MED23: variants seen among roughly 807,000 people sequenced by gnomAD.
MED23 encodes the protein mediator of RNA polymerase II transcription subunit 23.
A neutral mutation model predicts 163.9 loss-of-function variants in MED23; 105 were observed. The observed-to-expected ratio is 0.64, with a 90% CI of 0.55 to 0.75. The LOEUF (loss-of-function observed/expected upper bound fraction) is 0.75. MED23 is among the 30% of genes least tolerant of loss of function. MED23 has a pLI of 0.00. For missense variants in MED23, 1,054 were observed against 1,649.0 expected (o/e 0.64, Z 6.25); for synonymous variants, 561 against 565.6 (o/e 0.99, Z 0.12).
At chr6:131,616,510 A>T (rs1281251739) in intron 9 of MED23, among the ~76,000 whole-genome samples, 1 of 152,162 alleles carries the variant, frequency 6.6e-6, no homozygotes, top group Non-Finnish European at 1.5e-5. Context: ...TCTGATAGCC[A>T]AATTCAGTTT....
chr6:131,596,806 G>T, intron 20 of MED23, 118 bp from the exon 21 acceptor site: 1 of 981,572 alleles, frequency 1.0e-6, no homozygotes, highest in East Asian at 2.6e-5. Flanking sequence ...TTCCTTAGAC[G>T]TCTAGTCTAT....
intron 30 of MED23, among the ~76,000 whole-genome samples, chr6:131,580,826 GA>G (rs1773882488): frequency 6.6e-6 from 1 of 152,200 alleles, no homozygotes; most frequent in African/African-American, 2.4e-5. Context: ...TATTTACCAA[GA>G]GAGATGAGTG....
chr6:131,589,480 G>A lies in MED23; in HGVS notation c.3924C>T (p.Asp1308=). 6.2e-7 allele frequency: 1 copy of A among 1,613,522 alleles called. No individual in the cohort carries two copies. Among genetic ancestry groups the A allele is most frequent in the Non-Finnish European group, 8.5e-7 (1 of 1,179,632 alleles). ...TTCAACTTACTTGCTCTTTCACGCT[G>A]TCACCAGTAAACATATACTTCATGT... is the stretch of plus-strand genomic sequence containing the variant. The part of the protein sequence containing the change: ...LYHMKYMFTG[D]SVKEQVEKII... Residue 1308 remains aspartate, a synonymous_variant, in exon 28 of 29, where the codon GAC becomes GAT. Transcript: ENST00000368068.
intron 20 of MED23, among the ~76,000 whole-genome samples, chr6:131,597,738 C>T (rs957959687): frequency 3.9e-5 from 6 of 152,034 alleles, no homozygotes; most frequent in Middle Eastern, 6.8e-3. Context: ...ACTTCTGTAC[C>T]TTCTATACAT....
chr6:131,574,016 T>C, exon 31 of MED23: 1 of 495,296 alleles, frequency 2.0e-6, no homozygotes, highest in South Asian at 2.7e-5. Flanking sequence ...CCAGATTTCC[T>C]TACAGCCACG....
chr6:131,598,054 G>A lies in MED23; in HGVS notation c.2607+233C>T, dbSNP rs1462305582. Among the ~76,000 whole-genome samples, 5 of 152,048 alleles carry A rather than the reference G, an allele frequency of 3.3e-5. No individual in the cohort carries two copies. In the South Asian group the frequency reaches 1.0e-3, roughly 31 times the overall value. On this transcript the variant is annotated intron_variant, in intron 20 of 28. Transcript: ENST00000368068. This position sits in a 1 kb window ranked among gnomAD's most constrained non-coding sequence, Gnocchi z 4.7. ...TGAGGCTGCAGTGAGCCATGATCACGCCACTGCACTGGGCGACAGAGCGAG... is the reference window on the plus strand; with the variant it reads ...TGAGGCTGCAGTGAGCCATGATCACACCACTGCACTGGGCGACAGAGCGAG...
chr6:131,604,949 T>C (rs558483006), intron 14 of MED23, among the ~76,000 whole-genome samples: 1 of 152,300 alleles, frequency 6.6e-6, no homozygotes, highest in East Asian at 1.9e-4. Context: ...AAGCTCTAGC[T>C]ACACTAGTCC....
At chr6:131,581,431 C>A in intron 30 of MED23, 1 of 1,549,054 alleles carries the variant, frequency 6.5e-7, no homozygotes, top group Non-Finnish European at 8.8e-7. Context: ...AGTAGACATT[C>A]AGGAGGTGGA....
intron 6 of MED23, among the ~76,000 whole-genome samples, chr6:131,621,432 T>C (rs1777099035): frequency 6.6e-6 from 1 of 152,046 alleles, no homozygotes; most frequent in Admixed American, 6.6e-5. Flanking sequence ...GTTTCAACTG[T>C]AGCAAAGAAT....
At chr6:131,591,600 T>A (rs561825261) in intron 25 of MED23, 73 bp from the exon 26 acceptor site, 10 of 1,144,844 alleles carry the variant, frequency 8.7e-6, no homozygotes, top group East Asian at 2.4e-5. Flanking sequence ...AAAGTAATAG[T>A]GTTTTCTCAT....
chr6:131,609,377 C>T (rs1776092784), intron 11 of MED23, among the ~76,000 whole-genome samples: 2 of 151,982 alleles, frequency 1.3e-5, no homozygotes, highest in Admixed American at 1.3e-4. Context: ...CTATCCCTTT[C>T]TAAATGATGG....
At chr6:131,577,062 T>C (rs1056027423) in intron 30 of MED23, among the ~76,000 whole-genome samples, 1 of 152,130 alleles carries the variant, frequency 6.6e-6, no homozygotes, top group African/African-American at 2.4e-5. Context: ...GCAGGAAGTA[T>C]GCTACTAGCA....
At chr6:131,611,041 A>G (rs1173843252) in intron 10 of MED23, among the ~76,000 whole-genome samples, 1 of 152,196 alleles carries the variant, frequency 6.6e-6, no homozygotes, top group African/African-American at 2.4e-5. Context: ...TACCAAAAGA[A>G]ATATGTTAAG....
At chr6:131,596,405 A>G (rs989227463) in intron 21 of MED23, 113 bp downstream of exon 21, 3 of 1,239,904 alleles carry the variant, frequency 2.4e-6, no homozygotes, top group African/African-American at 3.0e-5. Flanking sequence ...ACTTACTTCT[A>G]TATAGACAAG....
At chr6:131,585,312 TA>T, downstream of MED23, among the ~76,000 whole-genome samples, 1 of 152,190 alleles carries the variant, frequency 6.6e-6, no homozygotes, top group Non-Finnish European at 1.5e-5. Context: ...GGGGGTCCTG[TA>T]AAAAAGGTAG....
intron 10 of MED23, among the ~76,000 whole-genome samples, chr6:131,614,884 T>A (rs1319761890): frequency 6.6e-6 from 1 of 151,918 alleles, no homozygotes; most frequent in African/African-American, 2.4e-5. Context: ...TTGTTGTTAT[T>A]TTTCTTTATT....
At chr6:131,576,633 T>C (rs1259637770) in intron 30 of MED23, 1 of 1,588,920 alleles carries the variant, frequency 6.3e-7, no homozygotes, top group Admixed American at 1.7e-5. Flanking sequence ...CATGATAATG[T>C]CTGAAGTACT....
chr6:131,581,419 T>C (rs749225699), intron 30 of MED23: 1 of 1,575,972 alleles, frequency 6.3e-7, no homozygotes, highest in South Asian at 1.1e-5. Flanking sequence ...AGAATACTTT[T>C]TAGTAGACAT....
At chr6:131,588,594 A>T (rs1774346418) in intron 28 of MED23, among the ~76,000 whole-genome samples, 1 of 152,226 alleles carries the variant, frequency 6.6e-6, no homozygotes, top group Non-Finnish European at 1.5e-5. Flanking sequence ...TCTTTCTTAC[A>T]TGAGAGAGAA....
Sources: allele counts gnomAD v4.1 joint callset (sites outside exome capture counted in the v4.1 genomes callset), GRCh38; gene constraint gnomAD v4.1.1; non-coding constraint Gnocchi (gnomAD v3.1); transcripts MANE v1.5; gene names NCBI Gene and HGNC (gene_info 2026-07-23, HGNC 2026-07-21).